RSPO3: variants seen among roughly 807,000 people sequenced by gnomAD.
RSPO3 encodes the protein R-spondin 3, also known as R-spondin-3.
Under a neutral mutation model 36.5 loss-of-function variants are expected in RSPO3, and 17 were observed. The observed-to-expected ratio is 0.47, with a 90% confidence interval of 0.32 to 0.70. The LOEUF (loss-of-function observed/expected upper bound fraction) is 0.70. Among genes scored for constraint, RSPO3 ranks in the 30% least tolerant of loss-of-function variants. The pLI, the probability that RSPO3 is intolerant of heterozygous loss-of-function variation, is 0.04. For missense variants in RSPO3, 294 were observed against 322.5 expected, an observed-to-expected ratio of 0.91 and a Z score of 0.68; for synonymous variants, 108 against 107.0, an observed-to-expected ratio of 1.01 and a Z score of -0.06.
At position 127,195,891 on chromosome 6, in the gene RSPO3, A is replaced by C; in HGVS notation, c.703A>C (p.Ser235Arg). Residue 235 changes from serine (S) to arginine (R), a missense_variant, in exon 5 of 5, where the codon AGC (serine) becomes CGC (arginine). Around this residue, in one of 3 missense-constraint regions of RSPO3, gnomAD observed 190 missense variants for 185.2 expected, o/e 1.03. Transcript: ENST00000356698. Reference protein sequence around the residue: ...KGESKEAIPDSKSLESSKEIP... With the variant: ...KGESKEAIPDRKSLESSKEIP... The stretch of plus-strand genomic sequence containing the variant: ...AGAAAGTAAAGAAGCAATACCTGAC[A>C]GCAAAAGTCTGGAATCCAGCAAAGA... 6.2e-7 allele frequency: 1 copy of C among 1,612,700 alleles called. No individual in the cohort carries two copies. Among genetic ancestry groups the C allele is most frequent in the South Asian group, 1.1e-5 (1 of 90,862 alleles).
At chr6:127,137,449 ATGAT>A (rs1281327714) in intron 1 of RSPO3, among the ~76,000 whole-genome samples, 10 of 152,210 alleles carry the variant, frequency 6.6e-5, no homozygotes, top group Non-Finnish European at 1.5e-5. Context: ...CCCAAGTATC[ATGAT>A]ATTTGTTTTA....
chr6:127,119,115 C>T lies in RSPO3; in HGVS notation c.-78C>T. 2 of 1,142,572 alleles carry T rather than the reference C, an allele frequency of 1.8e-6. No individual in the cohort carries two copies. The highest frequency in any genetic ancestry group is 2.6e-6 in the Non-Finnish European group (2 of 771,132). The allele number at this position is 1,142,572 out of a possible 1,614,324, so 70.8% of individuals were successfully genotyped here. ...ACTGTCTATATACGCCTAACACCTA[C>T]ATATATTTTAAAAACATTAAATATA... On this transcript the variant is annotated 5_prime_UTR_variant, in exon 1 of 5. Transcript: ENST00000356698.
intron 4 of RSPO3, among the ~76,000 whole-genome samples, chr6:127,195,026 A>T (rs1172194846): frequency 6.6e-6 from 1 of 152,142 alleles, no homozygotes; most frequent in African/African-American, 2.4e-5. Flanking sequence ...ATTCATCCTT[A>T]TTATTTCTGC....
chr6:127,126,564 C>T (rs547437533), intron 1 of RSPO3, among the ~76,000 whole-genome samples: 16 of 152,148 alleles, frequency 1.1e-4, no homozygotes, highest in Non-Finnish European at 1.9e-4. Context: ...ACTTAGAAGT[C>T]TTCTTACCTG....
chr6:127,192,924 T>C (rs1582817817), intron 4 of RSPO3, among the ~76,000 whole-genome samples: 3 of 152,140 alleles, frequency 2.0e-5, no homozygotes, highest in Admixed American at 1.3e-4. Flanking sequence ...ATGAAAACCT[T>C]ACAAAATTAT....
chr6:127,130,736 C>T (rs777865137), intron 1 of RSPO3, among the ~76,000 whole-genome samples: 6 of 152,168 alleles, frequency 3.9e-5, no homozygotes, highest in South Asian at 2.1e-4. Flanking sequence ...AAAATACAAA[C>T]GGTATGGACA....
intron 1 of RSPO3, among the ~76,000 whole-genome samples, chr6:127,127,444 A>T (rs1773960130): frequency 6.6e-6 from 1 of 152,166 alleles, no homozygotes; most frequent in Non-Finnish European, 1.5e-5. Context: ...CCACTGTTAT[A>T]TTTATGTACA....
At chr6:127,136,775 A>C (rs752841983) in intron 1 of RSPO3, among the ~76,000 whole-genome samples, 11 of 152,198 alleles carry the variant, frequency 7.2e-5, no homozygotes, top group Non-Finnish European at 1.3e-4. Context: ...CACAGTTCTC[A>C]TATATCTACC....
intron 1 of RSPO3, among the ~76,000 whole-genome samples, chr6:127,136,342 G>GCC (rs1774156091): frequency 4.6e-5 from 7 of 152,106 alleles, no homozygotes; most frequent in Non-Finnish European, 8.8e-5. Context: ...TTGCCCTAAA[G>GCC]TAAGATGGCT....
At chr6:127,186,758 G>A (rs1286288986) in intron 4 of RSPO3, among the ~76,000 whole-genome samples, 3 of 152,112 alleles carry the variant, frequency 2.0e-5, no homozygotes, top group African/African-American at 7.2e-5. Flanking sequence ...CGCAAATAAT[G>A]TGAAAAGTTG....
intron 1 of RSPO3, among the ~76,000 whole-genome samples, chr6:127,129,760 T>C (rs544968841): frequency 2.0e-5 from 3 of 152,230 alleles, no homozygotes; most frequent in South Asian, 4.1e-4. Flanking sequence ...CCTGTGTGAA[T>C]GTACGTGCCC....
chr6:127,136,735 TC>T (rs1774165977), intron 1 of RSPO3, among the ~76,000 whole-genome samples: 1 of 152,204 alleles, frequency 6.6e-6, no homozygotes, highest in Non-Finnish European at 1.5e-5. Flanking sequence ...GTTTTGTTTT[TC>T]TACAGTTCTA....
intron 1 of RSPO3, among the ~76,000 whole-genome samples, chr6:127,122,693 C>A (rs908501810): frequency 6.6e-6 from 1 of 152,138 alleles, no homozygotes; most frequent in African/African-American, 2.4e-5. Context: ...TCAAGGCCAT[C>A]ATTTATTCAA....
chr6:127,185,785 A>T (rs1383707646), intron 4 of RSPO3, among the ~76,000 whole-genome samples: 1 of 152,128 alleles, frequency 6.6e-6, no homozygotes, highest in African/African-American at 2.4e-5. Flanking sequence ...CAACTAGTGC[A>T]TAACATGATG....
chr6:127,122,492 A>G (rs973067622), intron 1 of RSPO3, among the ~76,000 whole-genome samples: 2 of 152,198 alleles, frequency 1.3e-5, no homozygotes, highest in East Asian at 3.8e-4. Context: ...TGAAGTGAAG[A>G]AGCAGGTACT....
intron 4 of RSPO3, among the ~76,000 whole-genome samples, chr6:127,168,505 C>G (rs1474971893): frequency 1.3e-5 from 2 of 152,046 alleles, no homozygotes; most frequent in African/African-American, 4.8e-5. Flanking sequence ...GATATTAGCC[C>G]TTTTTCAAAT....
chr6:127,157,387 T>C (rs1774614540), intron 4 of RSPO3, among the ~76,000 whole-genome samples: 1 of 152,104 alleles, frequency 6.6e-6, no homozygotes, highest in Non-Finnish European at 1.5e-5. Flanking sequence ...TTTTATTTCT[T>C]TTACTTGAGA....
intron 4 of RSPO3, among the ~76,000 whole-genome samples, chr6:127,184,818 T>C (rs889432020): frequency 3.3e-5 from 5 of 151,950 alleles, no homozygotes; most frequent in African/African-American, 7.2e-5. Context: ...AAAATTACAC[T>C]GGAAAACCGG....
chr6:127,158,749 T>C (rs965545049), intron 4 of RSPO3, among the ~76,000 whole-genome samples: 2 of 152,160 alleles, frequency 1.3e-5, no homozygotes, highest in Admixed American at 6.6e-5. Flanking sequence ...ATTTAATTGT[T>C]GTATCCTTAC....
Sources: gnomAD v4.1 joint callset for allele counts (sites outside exome capture counted in the v4.1 genomes callset) on GRCh38, gnomAD v4.1.1 for gene constraint, gnomAD v4.1.1 regional missense constraint, MANE v1.5 for transcripts, NCBI Gene and HGNC (gene_info 2026-07-23, HGNC 2026-07-21) for gene names.